The following SVOP variants were observed in gnomAD, a reference collection of about 807,000 sequenced individuals.
SVOP encodes the protein SV2 related protein.
SVOP carries 17 observed loss-of-function variants against 69.1 expected under a neutral mutation model. That is an observed-to-expected ratio of 0.25 (90% CI 0.17 to 0.37). The LOEUF is 0.37. SVOP is among the 10% of genes least tolerant of loss of function. SVOP has a pLI of 1.00. For missense variants in SVOP, 435 were observed against 597.5 expected (o/e 0.73, Z 2.84); for synonymous variants, 238 against 238.6 (o/e 1.00, Z 0.02).
chr12:109,008,993 G>A (rs1326339294), intron 1 of SVOP, among the ~76,000 whole-genome samples: 2 of 123,130 alleles, frequency 1.6e-5, no homozygotes, highest in South Asian at 5.0e-4. Context: ...ATGGAGTCTC[G>A]CTCTGTCACC....
chr12:108,990,999 C>T (rs1390147643), intron 1 of SVOP, among the ~76,000 whole-genome samples: 2 of 152,210 alleles, frequency 1.3e-5, no homozygotes, highest in African/African-American at 4.8e-5. Flanking sequence ...CTGCTGTCCC[C>T]CTGCCCTCAA....
chr12:108,977,076 C>A (rs1261428788), intron 4 of SVOP, among the ~76,000 whole-genome samples: 1 of 152,134 alleles, frequency 6.6e-6, no homozygotes, highest in African/African-American at 2.4e-5. Flanking sequence ...TCAAATAATC[C>A]TAGGGATGTG....
At chr12:108,932,198 G>A (rs1174336728) in intron 11 of SVOP, among the ~76,000 whole-genome samples, 1 of 151,816 alleles carries the variant, frequency 6.6e-6, no homozygotes, top group East Asian at 1.9e-4. Context: ...TAAATTTTTT[G>A]TAGAGACAGG....
chr12:108,953,495 G>C (rs2039968941), intron 6 of SVOP, among the ~76,000 whole-genome samples: 1 of 152,122 alleles, frequency 6.6e-6, no homozygotes, highest in Admixed American at 6.5e-5. Flanking sequence ...AAGGACTTCT[G>C]GTTGTTGAGC....
intron 6 of SVOP, among the ~76,000 whole-genome samples, chr12:108,948,456 A>G (rs376482637): frequency 2.6e-5 from 4 of 152,198 alleles, no homozygotes; most frequent in African/African-American, 9.7e-5. Flanking sequence ...ATCTACATCT[A>G]TCAACAACAG....
intron 1 of SVOP, among the ~76,000 whole-genome samples, chr12:108,997,553 A>G (rs1310835284): frequency 1.3e-5 from 2 of 152,062 alleles, no homozygotes; most frequent in Non-Finnish European, 2.9e-5. Flanking sequence ...GCAGACTTAA[A>G]TGTCCCTGTC....
intron 1 of SVOP, among the ~76,000 whole-genome samples, chr12:109,011,570 C>T (rs2040341733): frequency 6.6e-6 from 1 of 152,180 alleles, no homozygotes; most frequent in Non-Finnish European, 1.5e-5. Context: ...CAGAGCTTCT[C>T]CCCTAGAACT....
chr12:108,935,283 C>T (rs1322426690), intron 10 of SVOP, among the ~76,000 whole-genome samples: 1 of 152,224 alleles, frequency 6.6e-6, no homozygotes, highest in Non-Finnish European at 1.5e-5. Flanking sequence ...AAGACCGGAA[C>T]CTTCTCATCC....
At chr12:108,986,529 T>C (rs539345203) in intron 1 of SVOP, among the ~76,000 whole-genome samples, 16 of 152,350 alleles carry the variant, frequency 1.1e-4, no homozygotes, top group Non-Finnish European at 2.2e-4. Flanking sequence ...TTGACCCATG[T>C]GAAATCGCCA....
chr12:108,958,944 G>A (rs1203026620), intron 6 of SVOP, among the ~76,000 whole-genome samples: 5 of 151,930 alleles, frequency 3.3e-5, no homozygotes. Flanking sequence ...TTCCCCCTTC[G>A]CTGGTCCTAA....
chr12:109,015,699 A>C lies in SVOP; in HGVS notation c.35+5135T>G, dbSNP rs12302562. ...TGTTATCCCAGCTACAGGGGTGGCT[A>C]TGATAATCGCTTGAACCTGGGAGGC... On this transcript the variant is annotated intron_variant, in intron 1 of 15. Coordinates refer to ENST00000610966, the MANE Select transcript of SVOP (RefSeq NM_018711.5). Among the ~76,000 whole-genome samples, 563 of 152,264 alleles carry C rather than the reference A, an allele frequency of 3.7e-3. 3 individuals are homozygous for C. Among genetic ancestry groups the C allele is most frequent in the African/African-American group, 0.012 (496 of 41,556 alleles).
At chr12:108,933,798 G>T (rs1354345249) in intron 11 of SVOP, among the ~76,000 whole-genome samples, 1 of 152,178 alleles carries the variant, frequency 6.6e-6, no homozygotes, top group Non-Finnish European at 1.5e-5. Flanking sequence ...AAGAAAATCT[G>T]CTCTGTTTTA....
intron 6 of SVOP, among the ~76,000 whole-genome samples, chr12:108,945,647 A>G (rs1283735984): frequency 6.6e-6 from 1 of 152,070 alleles, no homozygotes; most frequent in Non-Finnish European, 1.5e-5. Context: ...TCAGCCTCCA[A>G]AAGCACTGGG....
intron 4 of SVOP, among the ~76,000 whole-genome samples, chr12:108,972,728 C>G (rs1167294424): frequency 6.6e-6 from 1 of 152,228 alleles, no homozygotes; most frequent in Non-Finnish European, 1.5e-5. Flanking sequence ...ATTGCAGGAC[C>G]AGCGTCACAG....
chr12:108,977,362 C>A, intron 4 of SVOP, 36 bp downstream of exon 4: 13 of 1,535,460 alleles, frequency 8.5e-6, no homozygotes, highest in Non-Finnish European at 1.1e-5. Context: ...GGGAGCAGAA[C>A]TGTATGCAAC....
At chr12:108,994,452 C>T (rs2040220329) in intron 1 of SVOP, among the ~76,000 whole-genome samples, 1 of 152,144 alleles carries the variant, frequency 6.6e-6, no homozygotes, top group African/African-American at 2.4e-5. Context: ...TGAGATCACG[C>T]CACTGCACTC....
At chr12:108,940,178 A>ATAATTAGGC (rs36143448) in intron 8 of SVOP, among the ~76,000 whole-genome samples, 7 of 152,220 alleles carry the variant, frequency 4.6e-5, no homozygotes, top group Non-Finnish European at 7.3e-5. Context: ...GTTAAGCTTA[A>ATAATTAGGC]TAATTATTAA....
At chr12:109,010,282 AC>A (rs1413115397) in intron 1 of SVOP, among the ~76,000 whole-genome samples, 1 of 151,968 alleles carries the variant, frequency 6.6e-6, no homozygotes, top group African/African-American at 2.4e-5. Context: ...TGACCCGGGC[AC>A]CCCCTCGTGT....
chr12:108,952,168 A>G (rs1394014609), intron 6 of SVOP, among the ~76,000 whole-genome samples: 1 of 151,804 alleles, frequency 6.6e-6, no homozygotes, highest in Admixed American at 6.6e-5. Context: ...TAAACCATGA[A>G]TGCAAAGGTG....
Sources: allele counts gnomAD v4.1 joint callset (sites outside exome capture counted in the v4.1 genomes callset), GRCh38; gene constraint gnomAD v4.1.1; transcripts MANE v1.5; gene names NCBI Gene and HGNC (gene_info 2026-07-23, HGNC 2026-07-21).